NTNG2: variants seen among roughly 807,000 people sequenced by gnomAD.
The protein encoded by NTNG2 is netrin-G2.
NTNG2 carries 15 observed loss-of-function variants against 47.6 expected under a neutral mutation model. The observed-to-expected ratio is 0.32, with a 90% CI of 0.21 to 0.49. NTNG2 has a LOEUF of 0.49. Ranked by LOEUF, NTNG2 falls within the 20% of genes least tolerant of loss-of-function variation. The pLI, the probability that NTNG2 is intolerant of heterozygous loss-of-function variation, is 0.99. For synonymous variants in NTNG2, 307 were observed against 324.6 expected (o/e 0.95, Z 0.58); for missense variants, 578 against 764.6 (o/e 0.76, Z 2.88).
At chr9:132,196,442 C>A (rs1180468571) in intron 2 of NTNG2, among the ~76,000 whole-genome samples, 2 of 152,158 alleles carry the variant, frequency 1.3e-5, no homozygotes, top group East Asian at 3.9e-4. Flanking sequence ...ATCTGCCCGC[C>A]TCGGCCTCCC....
At position 132,168,932 on chromosome 9, in the gene NTNG2, A is replaced by C. The variant is rs1303655570; in HGVS notation, c.213+1888A>C. 2.6e-5 allele frequency among the ~76,000 whole-genome samples: 4 copies of C among 152,162 alleles called. No homozygotes were observed. The East Asian group carries it at 7.7e-4, about 29-fold the overall frequency. On this transcript the variant is annotated intron_variant, in intron 2 of 7. Transcript: ENST00000393229. The stretch of plus-strand genomic sequence containing the variant: ...TCAAGTCCGAGGCCCTCTCCTTGCC[A>C]AAGCTGTCTAGGGTGTCATTGGCCC...
At chr9:132,228,296 G>A (rs562202102) in intron 4 of NTNG2, among the ~76,000 whole-genome samples, 1 of 152,318 alleles carries the variant, frequency 6.6e-6, no homozygotes, top group African/African-American at 2.4e-5. Context: ...GCCTTTGAAG[G>A]GGTGACTTGG....
rs1365112160 is a variant in NTNG2, at chr9:132,197,686, G to T, written c.214-280G>T. Among the ~76,000 whole-genome samples the T allele has an allele frequency of 1.3e-5, 2 of 152,186 alleles. No individual in the cohort carries two copies. The highest frequency in any genetic ancestry group is 2.1e-4 in the South Asian group (1 of 4,834). ...TCCAGGCAACGGGGAGCCATGGAGG[G>T]CTTCAAAGCAGGGGACTAACACCCA... On this transcript the variant is annotated intron_variant, in intron 2 of 7. Coordinates refer to ENST00000393229, the MANE Select transcript of NTNG2 (RefSeq NM_032536.4). This position sits in a 1 kb window ranked among gnomAD's most constrained non-coding sequence, Gnocchi z 4.3.
In NTNG2 at chr9:132,182,823, C is replaced by A. The variant is rs2131367947; in HGVS notation, c.214-15143C>A. ...GGCAGGGACCAGGCTGCCCTCTAAG[C>A]CACTCGGCTGGCTCTCAGCCGGGGT... On this transcript the variant is annotated intron_variant, in intron 2 of 7. Transcript: ENST00000393229. This position sits in a 1 kb window ranked among gnomAD's most constrained non-coding sequence, Gnocchi z 4.2. 6.6e-6 allele frequency among the ~76,000 whole-genome samples: 1 copy of A among 152,320 alleles called. No homozygotes were observed. The highest frequency in any genetic ancestry group is 2.4e-5 in the African/African-American group (1 of 41,570).
intron 3 of NTNG2, among the ~76,000 whole-genome samples, chr9:132,202,570 G>A (rs916280911): frequency 4.6e-5 from 7 of 152,232 alleles, no homozygotes; most frequent in South Asian, 2.1e-4. Flanking sequence ...ACTCAGGTGC[G>A]GAGCCTGGAG....
intron 3 of NTNG2, among the ~76,000 whole-genome samples, chr9:132,204,557 G>A (rs756162993): frequency 6.6e-6 from 1 of 152,094 alleles, no homozygotes; most frequent in Non-Finnish European, 1.5e-5. Flanking sequence ...GGAAAAACAG[G>A]GGCAAGAAGG....
chr9:132,227,069 C>T, intron 4 of NTNG2, 48 bp downstream of exon 4: 1 of 1,527,376 alleles, frequency 6.5e-7, no homozygotes, highest in Non-Finnish European at 8.8e-7. Context: ...TATAATCTTC[C>T]CTGCCCGTCA....
In NTNG2 at chr9:132,198,070, C is replaced by T. The variant is rs1838451655; in HGVS notation, c.318C>T (p.Tyr106=). 1 of 1,613,772 alleles carries T rather than the reference C, an allele frequency of 6.2e-7. No homozygotes were observed. Among genetic ancestry groups the T allele is most frequent in the Non-Finnish European group, 8.5e-7 (1 of 1,179,982 alleles). ...FDKEEEGLAT[Y]WQSITWSRYP... is the part of the protein sequence containing the mutation. ...AGGAGGAGGAGGGCCTGGCCACCTA[C>T]TGGCAGAGCATCACCTGGAGCCGCT... The change falls in exon 3 of 8, where the codon TAC becomes TAT. Residue 106 remains tyrosine, a synonymous_variant. Transcript: ENST00000393229.
In NTNG2 at chr9:132,226,715, G is replaced by A. The variant is rs560451667; in HGVS notation, c.858-134G>A. On this transcript the variant is annotated intron_variant, in intron 3 of 7. Transcript: ENST00000393229. The surrounding 1 kb of genome is among the most constrained non-coding windows in gnomAD (Gnocchi z 4.8). ...AGTTTCTGGCCTAAAGGTTGGGCTG[G>A]TGGCCTCCAGGGTTTCTTCCTGGGC... is the stretch of plus-strand genomic sequence containing the variant. 102 of 671,246 alleles carry A rather than the reference G, an allele frequency of 1.5e-4. No individual in the cohort carries two copies. Among genetic ancestry groups the A allele is most frequent in the Non-Finnish European group, 2.3e-4 (97 of 423,306 alleles). The allele number at this position is 671,246 out of a possible 1,614,324, so 41.6% of individuals were successfully genotyped here.
chr9:132,203,045 G>C (rs184673072), intron 3 of NTNG2, among the ~76,000 whole-genome samples: 3 of 151,966 alleles, frequency 2.0e-5, no homozygotes, highest in African/African-American at 2.4e-5. Flanking sequence ...AGAGGGAAGT[G>C]GGGGAGGCTT....
chr9:132,194,892 C>T lies in NTNG2; in HGVS notation c.214-3074C>T, dbSNP rs879103372. The stretch of plus-strand genomic sequence containing the variant: ...CTGCAGTGGCACCTGGTGGGGGCCG[C>T]GGGGCTGTGGCTCAGCCCCTCAGAA... On this transcript the variant is annotated intron_variant, in intron 2 of 7. Coordinates refer to ENST00000393229, the MANE Select transcript of NTNG2 (RefSeq NM_032536.4). Among the ~76,000 whole-genome samples the T allele has an allele frequency of 3.9e-4, 59 of 152,352 alleles. No homozygotes were observed. In the Middle Eastern group the frequency reaches 0.017, roughly 44 times the overall value.
At chr9:132,186,738 C>T (rs190815760) in intron 2 of NTNG2, among the ~76,000 whole-genome samples, 409 of 152,368 alleles carry the variant, frequency 2.7e-3, no homozygotes, top group African/African-American at 9.1e-3. Flanking sequence ...ATCCCCAAAG[C>T]GGAGCGAAGC....
chr9:132,183,919 C>T (rs1380251487), intron 2 of NTNG2, among the ~76,000 whole-genome samples: 1 of 152,068 alleles, frequency 6.6e-6, no homozygotes, highest in Non-Finnish European at 1.5e-5. Context: ...ACCTTAGGGC[C>T]CAGGAATGTT....
intron 5 of NTNG2, chr9:132,232,872 C>A (rs2130987703): frequency 6.6e-6 from 1 of 152,596 alleles, no homozygotes; most frequent in South Asian, 2.1e-4. Context: ...CGGCCTGTTG[C>A]TGGGTGGACA....
chr9:132,177,279 G>A (rs533937209), intron 2 of NTNG2, among the ~76,000 whole-genome samples: 3 of 152,282 alleles, frequency 2.0e-5, no homozygotes, highest in Admixed American at 6.5e-5. Flanking sequence ...GAGCCACCAC[G>A]CCCAGCCTAT....
chr9:132,216,414 CTGTG>C (rs1177821281), intron 3 of NTNG2, among the ~76,000 whole-genome samples: 11 of 110,328 alleles, frequency 1.0e-4, no homozygotes, highest in South Asian at 3.0e-4. Flanking sequence ...CTCTCTCTCT[CTGTG>C]TGTGTGTGTA....
Position 132,180,597 on chromosome 9 carries a change from C to T in NTNG2, c.213+13553C>T, listed in dbSNP as rs559822625. On this transcript the variant is annotated intron_variant, in intron 2 of 7. Transcript: ENST00000393229. The surrounding 1 kb of genome is among the most constrained non-coding windows in gnomAD (Gnocchi z 4.2). ...GCCCCGGGCAAGTCTCTTCCCATTT[C>T]GGGGTATAGACTTCCTGCCTGTAAA... Among the ~76,000 whole-genome samples the T allele has an allele frequency of 5.3e-5, 8 of 152,324 alleles. No individual in the cohort carries two copies. The South Asian group carries it at 1.2e-3, about 24-fold the overall frequency.
chr9:132,234,026 CTTT>C lies in NTNG2; in HGVS notation c.1054+3447_1054+3449del, dbSNP rs71376630. 2.1e-3 allele frequency: 273 copies of C among 132,256 alleles called. 1 individual carries two copies. The highest frequency in any genetic ancestry group is 7.6e-3 in the South Asian group (30 of 3,958). The allele number at this position is 132,256 out of a possible 1,614,324, so 8.2% of individuals were successfully genotyped here. On this transcript the variant is annotated intron_variant, in intron 5 of 7. Coordinates refer to ENST00000393229, the MANE Select transcript of NTNG2 (RefSeq NM_032536.4). ...TCCAGGGGCTATGAGGTAGAGCTATCTTTTTTTTTTTTTTTTTTGAGATGGAGT... is the reference window on the plus strand; with the variant it reads ...TCCAGGGGCTATGAGGTAGAGCTATCTTTTTTTTTTTTTTTGAGATGGAGT...
At chr9:132,241,161 C>CG (rs1341317470) in intron 7 of NTNG2, 117 bp downstream of exon 7, 1 of 808,758 alleles carries the variant, frequency 1.2e-6, no homozygotes, top group African/African-American at 2.2e-5. Flanking sequence ...CCTAGCAAGA[C>CG]GGGGCAGGGC....
Sources: gnomAD v4.1 joint callset for allele counts (sites outside exome capture counted in the v4.1 genomes callset) on GRCh38, gnomAD v4.1.1 for gene constraint, Gnocchi (gnomAD v3.1) non-coding constraint, MANE v1.5 for transcripts, NCBI Gene and HGNC (gene_info 2026-07-23, HGNC 2026-07-21) for gene names.